Variants in GNB4 observed in about 807,000 individuals in gnomAD.
GNB4 encodes guanine nucleotide-binding protein subunit beta-4.
GNB4 carries 28 observed loss-of-function variants against 45.2 expected under a neutral mutation model. That is an observed-to-expected ratio of 0.62 (90% CI 0.46 to 0.85). GNB4 has a LOEUF of 0.85. GNB4 is among the 40% of genes least tolerant of loss of function. GNB4 has a pLI of 0.00. For missense variants in GNB4, 321 were observed against 425.4 expected, an observed-to-expected ratio of 0.75 and a Z score of 2.16; for synonymous variants, 132 against 143.7, an observed-to-expected ratio of 0.92 and a Z score of 0.58.
At chr3:179,415,163 CAAATA>C in intron 5 of GNB4, 116 bp from the exon 6 acceptor site, 1 of 724,678 alleles carries the variant, frequency 1.4e-6, no homozygotes, top group Non-Finnish European at 2.0e-6. Context: ...AAAGATAAGT[CAAATA>C]AAATAATGTA....
At chr3:179,466,007 GTTTTTTT>G in the GNB4 span, among the ~76,000 whole-genome samples, 3 of 90,912 alleles carry the variant, frequency 3.3e-5, no homozygotes, top group Non-Finnish European at 6.2e-5. Flanking sequence ...TCCTCTAGTC[GTTTTTTT>G]TTTTTTTTTT....
chr3:179,464,082 T>C, the GNB4 span, among the ~76,000 whole-genome samples: 1 of 152,170 alleles, frequency 6.6e-6, no homozygotes, highest in East Asian at 1.9e-4. Context: ...TCAAATACAT[T>C]GTATACCTTT....
intron 1 of GNB4, among the ~76,000 whole-genome samples, chr3:179,430,563 C>T (rs957810939): frequency 5.3e-5 from 8 of 152,004 alleles, no homozygotes; most frequent in Non-Finnish European, 1.2e-4. Context: ...CCCAATTCTT[C>T]CACCTCAGCC....
At position 179,425,106 on chromosome 3, in the gene GNB4, C is replaced by A. The variant is rs531162204; in HGVS notation, c.57+1038G>T. 1.0e-3 allele frequency among the ~76,000 whole-genome samples: 158 copies of A among 152,340 alleles called. 1 individual carries two copies. The highest frequency in any genetic ancestry group is 3.6e-3 in the African/African-American group (149 of 41,580). ...CACAACTCAAAGCCTCTTTCCTCCA[C>A]CCTGCTTACCGCCAGGCTTCCTACA... On this transcript the variant is annotated intron_variant, in intron 2 of 9. Coordinates refer to ENST00000232564, the MANE Select transcript of GNB4 (RefSeq NM_021629.4).
chr3:179,456,754 C>A, the GNB4 span, among the ~76,000 whole-genome samples: 1 of 152,188 alleles, frequency 6.6e-6, no homozygotes, highest in African/African-American at 2.4e-5. Context: ...TCTTGGCAAT[C>A]ATTGATTTGT....
At chr3:179,441,186 A>G (rs1336989207) in intron 1 of GNB4, among the ~76,000 whole-genome samples, 1 of 152,228 alleles carries the variant, frequency 6.6e-6, no homozygotes, top group African/African-American at 2.4e-5. Context: ...GTAACTATAC[A>G]GCCATGCATC....
At position 179,410,573 on chromosome 3, in the gene GNB4, T is replaced by C. The variant is rs181981734; in HGVS notation, c.699+2839A>G. 5.9e-5 allele frequency: 9 copies of C among 152,310 alleles called. No homozygotes were observed. In the East Asian group the frequency reaches 1.5e-3, roughly 26 times the overall value. 9.4% of individuals were successfully genotyped at this position (152,310 alleles called of 1,614,324 possible). On this transcript the variant is annotated intron_variant, in intron 8 of 9. Coordinates refer to ENST00000232564, the MANE Select transcript of GNB4 (RefSeq NM_021629.4). ...GTCTCTTCACATCATCTTCCCTCTA[T>C]GCTTGCCTGTCTCCAAACTTCCCCC...
In GNB4 at chr3:179,416,599, A is replaced by G. The variant is rs754048626; in HGVS notation, c.204-43T>C. 5 of 1,241,062 alleles carry G rather than the reference A, an allele frequency of 4.0e-6. No homozygotes were observed. In the African/African-American group the frequency reaches 7.6e-5, roughly 19 times the overall value. 76.9% of individuals were successfully genotyped at this position (1,241,062 alleles called of 1,614,324 possible). A position where few individuals can be genotyped will look rare whatever the true frequency, so the allele number is the denominator to read the frequency against. ...AAAATAATTTGACACTTAGAGGGAAAAAATAGCTTAAATTGGTTATGCATT... is the reference window on the plus strand; with the variant it reads ...AAAATAATTTGACACTTAGAGGGAAGAAATAGCTTAAATTGGTTATGCATT... On this transcript the variant is annotated intron_variant, in intron 4 of 9. Transcript: ENST00000232564.
At chr3:179,518,644 C>A in the GNB4 span, among the ~76,000 whole-genome samples, 1 of 152,114 alleles carries the variant, frequency 6.6e-6, no homozygotes, top group Admixed American at 6.5e-5. Flanking sequence ...GACTAGCCCT[C>A]CCCCAAGCAA....
chr3:179,527,094 A>C, the GNB4 span, among the ~76,000 whole-genome samples: 1 of 151,936 alleles, frequency 6.6e-6, no homozygotes, highest in African/African-American at 2.4e-5. Flanking sequence ...AGCTGGAGAG[A>C]GTGTTTATAG....
chr3:179,414,965 A>C lies in GNB4; in HGVS notation c.350T>G (p.Leu117Trp). 1 of 1,612,844 alleles carries C rather than the reference A, an allele frequency of 6.2e-7. No individual in the cohort carries two copies. Among genetic ancestry groups the C allele is most frequent in the Non-Finnish European group, 8.5e-7 (1 of 1,179,114 alleles). Residue 117 changes from leucine to tryptophan, a missense_variant, in exon 6 of 10, where the codon TTG becomes TGG. Physicochemically the swap from Leu to Trp is moderately conservative, Grantham distance 61. Coordinates refer to ENST00000232564, the MANE Select transcript of GNB4 (RefSeq NM_021629.4). ...GTTATATATAGAGCAGATGTTGTCCAAGCCTCCACAGGCAACATAATTACC... is the reference window on the plus strand; with the variant it reads ...GTTATATATAGAGCAGATGTTGTCCCAGCCTCCACAGGCAACATAATTACC... ...PSGNYVACGGLDNICSIYNLK... is the reference protein window; with the variant it reads ...PSGNYVACGGWDNICSIYNLK...
At chr3:179,430,067 GAGAGAGACAGAC>G (rs1034228876) in intron 1 of GNB4, among the ~76,000 whole-genome samples, 3 of 94,510 alleles carry the variant, frequency 3.2e-5, no homozygotes, top group African/African-American at 1.1e-4. Flanking sequence ...GTGTGACTGA[GAGAGAGACAGAC>G]AGACAGACAG....
chr3:179,429,761 C>T (rs1373215341), intron 1 of GNB4, among the ~76,000 whole-genome samples: 1 of 152,158 alleles, frequency 6.6e-6, no homozygotes, highest in East Asian at 1.9e-4. Context: ...AACAATGGGG[C>T]ATATCAGTTC....
chr3:179,456,394 A>G (rs6792924), upstream of GNB4, among the ~76,000 whole-genome samples: 1,842 of 152,294 alleles, frequency 0.012, 30 homozygotes, highest in South Asian at 0.073. Context: ...CACATTTGCT[A>G]ACCCTGGATT....
chr3:179,515,821 T>G, the GNB4 span, among the ~76,000 whole-genome samples: 5 of 152,104 alleles, frequency 3.3e-5, no homozygotes, highest in South Asian at 2.1e-4. Context: ...TCGAGAGGGA[T>G]TAGGGTCAGC....
the GNB4 span, among the ~76,000 whole-genome samples, chr3:179,509,699 T>G: frequency 6.6e-6 from 1 of 151,642 alleles, no homozygotes; most frequent in Non-Finnish European, 1.5e-5. Context: ...TGGCAGCCTC[T>G]TTCTTTAGAT....
chr3:179,430,275 G>C (rs1715271627), intron 1 of GNB4, among the ~76,000 whole-genome samples: 1 of 152,090 alleles, frequency 6.6e-6, no homozygotes, highest in Non-Finnish European at 1.5e-5. Flanking sequence ...TTTTTTGGTA[G>C]AGACAGGGTC....
At chr3:179,479,539 T>C in the GNB4 span, among the ~76,000 whole-genome samples, 2 of 152,312 alleles carry the variant, frequency 1.3e-5, no homozygotes, top group East Asian at 3.9e-4. Context: ...CAAACAAGAA[T>C]AATTTGATTT....
At chr3:179,409,759 G>A (rs1419435436) in intron 8 of GNB4, among the ~76,000 whole-genome samples, 8 of 147,908 alleles carry the variant, frequency 5.4e-5, no homozygotes, top group African/African-American at 2.0e-4. Flanking sequence ...GCAGTGAGCC[G>A]AGATCGCACC....
Sources: gnomAD v4.1 joint callset for allele counts (sites outside exome capture counted in the v4.1 genomes callset) on GRCh38, gnomAD v4.1.1 for gene constraint, MANE v1.5 for transcripts, NCBI Gene and HGNC (gene_info 2026-07-23, HGNC 2026-07-21) for gene names.